Variants in SH3RF2 observed in about 807,000 individuals in gnomAD.
SH3RF2 encodes E3 ubiquitin-protein ligase SH3RF2.
A neutral mutation model predicts 59.0 loss-of-function variants in SH3RF2; 43 were observed. The observed-to-expected ratio is 0.73, with a 90% CI of 0.57 to 0.94. The LOEUF (loss-of-function observed/expected upper bound fraction) is 0.94, where lower values mean the gene tolerates loss of function less well. Among genes scored for constraint, SH3RF2 ranks in the 40% least tolerant of loss-of-function variants. SH3RF2 has a pLI of 0.00. For synonymous variants in SH3RF2, 391 were observed against 391.5 expected, an observed-to-expected ratio of 1.00 and a Z score of 0.01; for missense variants, 930 against 940.1, an observed-to-expected ratio of 0.99 and a Z score of 0.14.
chr5:145,942,555 G>C (rs967433897), intron 2 of SH3RF2, among the ~76,000 whole-genome samples: 1 of 152,216 alleles, frequency 6.6e-6, no homozygotes, highest in Admixed American at 6.5e-5. Flanking sequence ...GAGTCTCAGA[G>C]GTTGTGTCCT....
chr5:145,960,422 G>T (rs778076995), intron 2 of SH3RF2, among the ~76,000 whole-genome samples: 2 of 152,172 alleles, frequency 1.3e-5, no homozygotes, highest in Non-Finnish European at 2.9e-5. Context: ...AGAAAAGAAG[G>T]AAAGTTTCTT....
intron 2 of SH3RF2, among the ~76,000 whole-genome samples, chr5:145,960,923 A>T (rs1161217680): frequency 6.6e-6 from 1 of 152,230 alleles, no homozygotes; most frequent in East Asian, 1.9e-4. Context: ...TGAAAAACAG[A>T]GCAGGAAGTT....
intron 2 of SH3RF2, among the ~76,000 whole-genome samples, chr5:145,983,820 C>CA (rs1411615234): frequency 6.6e-6 from 1 of 152,094 alleles, no homozygotes; most frequent in East Asian, 1.9e-4. Flanking sequence ...GGCAAGTACC[C>CA]ACTGGAAAAA....
chr5:145,974,690 A>G (rs1295889509), intron 2 of SH3RF2, among the ~76,000 whole-genome samples: 1 of 152,226 alleles, frequency 6.6e-6, no homozygotes, highest in Non-Finnish European at 1.5e-5. Flanking sequence ...CTGAGGTCGT[A>G]CAGTGCAAAA....
intron 2 of SH3RF2, among the ~76,000 whole-genome samples, chr5:145,978,454 G>A (rs1759382000): frequency 6.6e-6 from 1 of 152,146 alleles, no homozygotes; most frequent in Non-Finnish European, 1.5e-5. Context: ...ATGTCTTCAT[G>A]CCCTCCTGCT....
chr5:146,062,267 A>G (rs1762924321), intron 9 of SH3RF2, among the ~76,000 whole-genome samples, 159 bp from the exon 10 acceptor site: 2 of 152,174 alleles, frequency 1.3e-5, no homozygotes, highest in African/African-American at 4.8e-5. Flanking sequence ...CTGCATTCTC[A>G]GCATCTTGTA....
At chr5:146,002,590 C>T (rs1760474214) in intron 3 of SH3RF2, among the ~76,000 whole-genome samples, 2 of 152,008 alleles carry the variant, frequency 1.3e-5, no homozygotes, top group Admixed American at 6.6e-5. Context: ...CCCCCAACCC[C>T]AGGACCACCG....
At chr5:145,978,180 T>G (rs1272231916) in intron 2 of SH3RF2, among the ~76,000 whole-genome samples, 4 of 152,182 alleles carry the variant, frequency 2.6e-5, no homozygotes, top group African/African-American at 9.7e-5. Context: ...GAAATCAGAT[T>G]CCCTAAATGA....
chr5:145,962,115 G>A (rs529531156), intron 2 of SH3RF2, among the ~76,000 whole-genome samples: 2 of 152,278 alleles, frequency 1.3e-5, no homozygotes, highest in Admixed American at 1.3e-4. Context: ...TAGCTTACCT[G>A]GGGTTCTGCA....
intron 2 of SH3RF2, among the ~76,000 whole-genome samples, chr5:145,969,235 C>A (rs1222519721): frequency 6.6e-6 from 1 of 152,120 alleles, no homozygotes; most frequent in African/African-American, 2.4e-5. Flanking sequence ...AATTCCTGCA[C>A]TTGAGTTTAG....
Position 146,028,193 on chromosome 5 carries a change from CACACACACACACACACAG to C in SH3RF2, c.1059+14134_1059+14151del, listed in dbSNP as rs1342434665. 3.3e-4 allele frequency among the ~76,000 whole-genome samples: 26 copies of C among 78,514 alleles called. No individual in the cohort carries two copies. In the East Asian group the frequency reaches 7.4e-3, roughly 22 times the overall value. 51.5% of individuals were successfully genotyped at this position (78,514 alleles called of 152,430 possible). On this transcript the variant is annotated intron_variant, in intron 5 of 9. Transcript: ENST00000359120. ...ACACACACACACACACACACACACACACACACACACACACACAGAGATAATTCAACAAGAAAGGAAGAC... is the reference window on the plus strand; with the variant it reads ...ACACACACACACACACACACACACACAGATAATTCAACAAGAAAGGAAGAC...
intron 2 of SH3RF2, among the ~76,000 whole-genome samples, chr5:145,991,492 C>T (rs1036846883): frequency 1.3e-5 from 2 of 152,166 alleles, no homozygotes; most frequent in African/African-American, 2.4e-5. Context: ...CTCTGCCCTG[C>T]TTTGCACTAT....
chr5:146,036,561 G>T lies in SH3RF2; in HGVS notation c.1060-11211G>T, dbSNP rs148142735. On this transcript the variant is annotated intron_variant, in intron 5 of 9. Transcript: ENST00000359120. ...AATACAAAAACTAGCTGGGCCTGGTGACACACGCCTGTAATCCCAGCTATT... is the reference window on the plus strand; with the variant it reads ...AATACAAAAACTAGCTGGGCCTGGTTACACACGCCTGTAATCCCAGCTATT... 8.3e-4 allele frequency among the ~76,000 whole-genome samples: 127 copies of T among 152,234 alleles called. 1 individual carries two copies. Among genetic ancestry groups the T allele is most frequent in the African/African-American group, 3.0e-3 (125 of 41,522 alleles).
intron 2 of SH3RF2, among the ~76,000 whole-genome samples, chr5:145,995,391 G>T (rs1263147448): frequency 6.6e-6 from 1 of 152,154 alleles, no homozygotes; most frequent in Non-Finnish European, 1.5e-5. Context: ...AACAATTATT[G>T]TTCCCTGATG....
chr5:145,963,032 G>C (rs1401528007), intron 2 of SH3RF2, among the ~76,000 whole-genome samples: 1 of 151,426 alleles, frequency 6.6e-6, no homozygotes, highest in Admixed American at 6.6e-5. Context: ...CGAGTAGCTG[G>C]GACTACATGC....
rs1561743965 is a variant in SH3RF2, at chr5:146,016,547, AT to A, written c.1059+2488del. ...TAATAAGAACCTTTGTAGGGGAGGT[AT>A]TATCAACACTTTATAGCAAGGTAAT... On this transcript the variant is annotated intron_variant, in intron 5 of 9. Transcript: ENST00000359120. 2.0e-5 allele frequency among the ~76,000 whole-genome samples: 3 copies of A among 152,296 alleles called. No homozygotes were observed. In the East Asian group the frequency reaches 5.8e-4, roughly 29 times the overall value.
downstream of SH3RF2, among the ~76,000 whole-genome samples, chr5:146,065,431 T>C (rs1763079505): frequency 6.6e-6 from 1 of 152,202 alleles, no homozygotes; most frequent in Non-Finnish European, 1.5e-5. Context: ...GGCACAGATA[T>C]GGCATGACTG....
At chr5:146,053,396 G>A (rs1162756430) in intron 7 of SH3RF2, among the ~76,000 whole-genome samples, 1 of 151,610 alleles carries the variant, frequency 6.6e-6, no homozygotes, top group African/African-American at 2.4e-5. Context: ...CATCCCTTTG[G>A]GTCTCCTCTA....
intron 2 of SH3RF2, among the ~76,000 whole-genome samples, chr5:145,993,189 T>C (rs1465147710): frequency 6.6e-6 from 1 of 152,188 alleles, no homozygotes; most frequent in African/African-American, 2.4e-5. Flanking sequence ...CACATCCAGA[T>C]CACGCTAATG....
Sources: allele counts gnomAD v4.1 joint callset (sites outside exome capture counted in the v4.1 genomes callset), GRCh38; gene constraint gnomAD v4.1.1; transcripts MANE v1.5; gene names NCBI Gene and HGNC (gene_info 2026-07-23, HGNC 2026-07-21).